The following PTPRD variants were observed in gnomAD, a reference collection of about 807,000 sequenced individuals.
The protein encoded by PTPRD is receptor-type tyrosine-protein phosphatase delta.
A neutral mutation model predicts 214.5 loss-of-function variants in PTPRD; 34 were observed. That is an observed-to-expected ratio of 0.16 (90% CI 0.12 to 0.21). The LOEUF (loss-of-function observed/expected upper bound fraction) is 0.21, where lower values mean the gene tolerates loss of function less well. PTPRD is among the 10% of genes least tolerant of loss of function. PTPRD has a pLI of 1.00. For missense variants in PTPRD, 2,545 were observed against 2,398.7 expected (o/e 1.06, Z -1.27); for synonymous variants, 1,128 against 845.7 (o/e 1.33, Z -5.79).
At chr9:9,678,042 A>G (rs2790041) in intron 7 of PTPRD, among the ~76,000 whole-genome samples, 39,721 of 152,012 alleles carry the variant, frequency 0.26, 6,353 homozygotes, top group Non-Finnish European at 0.35. Flanking sequence ...AAGGAGAACT[A>G]CAAATCACTG....
At chr9:8,353,769 A>C (rs138612634) in intron 39 of PTPRD, among the ~76,000 whole-genome samples, 1 of 149,946 alleles carries the variant, frequency 6.7e-6, no homozygotes, top group Non-Finnish European at 1.5e-5. Context: ...CCTTTTGCCT[A>C]CTCACATTCG....
intron 11 of PTPRD, among the ~76,000 whole-genome samples, chr9:8,821,414 TACA>T (rs2097060059): frequency 6.6e-6 from 1 of 152,166 alleles, no homozygotes; most frequent in Non-Finnish European, 1.5e-5. Context: ...TCACTCCTTC[TACA>T]ACCCCTAGGA....
At chr9:9,596,893 A>T (rs963545239) in intron 7 of PTPRD, among the ~76,000 whole-genome samples, 6 of 152,122 alleles carry the variant, frequency 3.9e-5, no homozygotes, top group African/African-American at 1.4e-4. Context: ...CACACAAATC[A>T]GTATACAAAA....
Position 10,294,640 on chromosome 9 carries a change from C to A in PTPRD, c.-545+46323G>T, listed in dbSNP as rs145193888. Among the ~76,000 whole-genome samples the A allele has an allele frequency of 4.7e-4, 71 of 152,026 alleles. 1 individual carries two copies. The East Asian group carries it at 8.1e-3, about 17-fold the overall frequency. ...TCTAAATATTTATAGTTGGAAAAGA[C>A]CTCAGAGACTGTTTAATCTAACCTC... On this transcript the variant is annotated intron_variant, in intron 3 of 45. Coordinates refer to ENST00000381196, the MANE Select transcript of PTPRD (RefSeq NM_002839.4).
intron 5 of PTPRD, among the ~76,000 whole-genome samples, chr9:9,826,446 G>C (rs1024397276): frequency 6.6e-6 from 1 of 151,908 alleles, no homozygotes. Flanking sequence ...TTACTGGCTA[G>C]ATTTTATTTT....
intron 2 of PTPRD, among the ~76,000 whole-genome samples, chr9:10,526,809 C>A (rs1369127499): frequency 1.3e-5 from 2 of 152,032 alleles, no homozygotes; most frequent in African/African-American, 4.8e-5. Context: ...CTTGTCGATT[C>A]TCAATGAGAG....
At chr9:10,052,033 C>T (rs1299734123) in intron 3 of PTPRD, among the ~76,000 whole-genome samples, 1 of 152,098 alleles carries the variant, frequency 6.6e-6, no homozygotes, top group Non-Finnish European at 1.5e-5. Context: ...CAGTGTCAAC[C>T]TCCTGGGCTC....
At chr9:9,942,983 C>G (rs933571768) in intron 4 of PTPRD, among the ~76,000 whole-genome samples, 2 of 151,500 alleles carry the variant, frequency 1.3e-5, no homozygotes, top group Non-Finnish European at 2.9e-5. Flanking sequence ...TGCCACAGTG[C>G]CCTCTGGTGG....
At chr9:10,582,484 C>A (rs1369311928) in intron 2 of PTPRD, among the ~76,000 whole-genome samples, 1 of 152,144 alleles carries the variant, frequency 6.6e-6, no homozygotes, top group South Asian at 2.1e-4. Flanking sequence ...TCTACTTTAT[C>A]CATATTATAA....
At chr9:8,458,588 T>C (rs1181271008) in intron 33 of PTPRD, among the ~76,000 whole-genome samples, 2 of 152,138 alleles carry the variant, frequency 1.3e-5, no homozygotes, top group Non-Finnish European at 2.9e-5. Flanking sequence ...TGCTTTTTAT[T>C]ATTGAATTCT....
chr9:9,233,696 A>AC (rs1261229061), intron 9 of PTPRD, among the ~76,000 whole-genome samples: 2 of 152,316 alleles, frequency 1.3e-5, no homozygotes, highest in East Asian at 3.9e-4. Context: ...GAAATAGACC[A>AC]AAAAAAGGGG....
At chr9:8,497,347 C>T in intron 25 of PTPRD, 79 bp from the exon 26 acceptor site, 1 of 1,214,318 alleles carries the variant, frequency 8.2e-7, no homozygotes, top group Non-Finnish European at 1.1e-6. Context: ...GCAGTGTTGC[C>T]CTTGTTAGAT....
At position 8,318,279 on chromosome 9, in the gene PTPRD, T is replaced by TA. The variant is rs1482301265; in HGVS notation, c.5671-338dup. Among the ~76,000 whole-genome samples, 6 of 152,226 alleles carry TA rather than the reference T, an allele frequency of 3.9e-5. No homozygotes were observed. The East Asian group carries it at 1.2e-3, about 30-fold the overall frequency. The stretch of plus-strand genomic sequence containing the variant: ...ACACATAAACTTCTTACATGCCTTA[T>TA]AAGCAGATAATGATGAAAATCATCC... On this transcript the variant is annotated intron_variant, in intron 45 of 45. Transcript: ENST00000381196.
At chr9:9,028,216 C>T (rs1341932330) in intron 10 of PTPRD, among the ~76,000 whole-genome samples, 1 of 151,942 alleles carries the variant, frequency 6.6e-6, no homozygotes, top group African/African-American at 2.4e-5. Context: ...TCTGAGAATT[C>T]TTCCATACTG....
chr9:10,133,257 G>T (rs2098915114), intron 3 of PTPRD, among the ~76,000 whole-genome samples: 2 of 152,102 alleles, frequency 1.3e-5, no homozygotes, highest in African/African-American at 4.8e-5. Context: ...AGCACTCACA[G>T]ATACTGAAGA....
At chr9:8,978,306 G>A (rs1336054238) in intron 11 of PTPRD, among the ~76,000 whole-genome samples, 1 of 152,094 alleles carries the variant, frequency 6.6e-6, no homozygotes, top group African/African-American at 2.4e-5. Flanking sequence ...TGGCATTATG[G>A]TTGTTACTGT....
chr9:8,935,674 G>C (rs1440902925), intron 11 of PTPRD, among the ~76,000 whole-genome samples: 1 of 152,136 alleles, frequency 6.6e-6, no homozygotes, highest in African/African-American at 2.4e-5. Flanking sequence ...GCTTCACTGG[G>C]GAAGGCCCCC....
chr9:9,029,413 G>T, intron 10 of PTPRD, among the ~76,000 whole-genome samples: 1 of 151,886 alleles, frequency 6.6e-6, no homozygotes, highest in African/African-American at 2.4e-5. Flanking sequence ...CCACACATGA[G>T]GTGACAAGGG....
At chr9:8,355,808 G>T (rs532942063) in intron 39 of PTPRD, among the ~76,000 whole-genome samples, 1 of 152,182 alleles carries the variant, frequency 6.6e-6, no homozygotes, top group Non-Finnish European at 1.5e-5. Context: ...TCTGGGGTGG[G>T]ACCAAAGATT....
Sources: allele counts gnomAD v4.1 joint callset (sites outside exome capture counted in the v4.1 genomes callset), GRCh38; gene constraint gnomAD v4.1.1; transcripts MANE v1.5; gene names NCBI Gene and HGNC (gene_info 2026-07-23, HGNC 2026-07-21).